LRRTM4: variants seen among roughly 807,000 people sequenced by gnomAD.
The protein encoded by LRRTM4 is leucine rich repeat transmembrane neuronal 4.
A neutral mutation model predicts 47.6 loss-of-function variants in LRRTM4; 25 were observed. The observed-to-expected ratio is 0.53, with a 90% CI of 0.38 to 0.73. The LOEUF (loss-of-function observed/expected upper bound fraction) is 0.73, where lower values mean the gene tolerates loss of function less well. LRRTM4 is among the 30% of genes least tolerant of loss of function. The probability of loss-of-function intolerance (pLI) is 0.00; values close to 1 mark genes in which losing one functional copy is unlikely to be tolerated. For missense variants in LRRTM4, 638 were observed against 713.4 expected (o/e 0.89, Z 1.20); for synonymous variants, 311 against 269.5 (o/e 1.15, Z -1.51).
intron 3 of LRRTM4, among the ~76,000 whole-genome samples, chr2:76,794,189 G>GATTACTATGTAAGCTTATAGCTTATTGA (rs1675131981): frequency 6.6e-6 from 1 of 152,166 alleles, no homozygotes; most frequent in Admixed American, 6.5e-5. Flanking sequence ...AGTAACCAGA[G>GATTACTATGTAAGCTTATAGCTTATTGA]ATTACTATGT....
chr2:76,874,549 A>G (rs531273216), intron 3 of LRRTM4, among the ~76,000 whole-genome samples: 40 of 152,136 alleles, frequency 2.6e-4, no homozygotes, highest in African/African-American at 8.4e-4. Flanking sequence ...AATATTGAAA[A>G]TATAATTTTG....
At position 77,087,804 on chromosome 2, in the gene LRRTM4, AAAT is replaced by A. The variant is rs1012148423; in HGVS notation, c.1552-338891_1552-338889del. On this transcript the variant is annotated intron_variant, in intron 3 of 3. Transcript: ENST00000409884. The stretch of plus-strand genomic sequence containing the variant: ...GTAAAATAAAATGTATACTAAAGAA[AAAT>A]ATTATTTAAGAAGAGCTCTTTAAAA... Among the ~76,000 whole-genome samples the A allele has an allele frequency of 6.6e-5, 10 of 152,364 alleles. No individual in the cohort carries two copies. The East Asian group carries it at 1.5e-3, about 23-fold the overall frequency.
chr2:77,166,413 T>C (rs1046604771), intron 3 of LRRTM4, among the ~76,000 whole-genome samples: 3 of 152,128 alleles, frequency 2.0e-5, no homozygotes, highest in Non-Finnish European at 4.4e-5. Context: ...GTCATCCCCA[T>C]CAAGCTACCA....
chr2:77,030,819 T>C (rs573307494), intron 3 of LRRTM4, among the ~76,000 whole-genome samples: 1 of 152,334 alleles, frequency 6.6e-6, no homozygotes, highest in Admixed American at 6.5e-5. Context: ...CCAAATAATC[T>C]GTCACAAAAT....
intron 3 of LRRTM4, among the ~76,000 whole-genome samples, chr2:76,841,921 C>G (rs149000976): frequency 1.2e-4 from 18 of 152,246 alleles, no homozygotes; most frequent in African/African-American, 4.3e-4. Context: ...ACAATGGGCT[C>G]ACACATGCGC....
intron 3 of LRRTM4, among the ~76,000 whole-genome samples, chr2:76,919,707 A>T (rs75962298): frequency 0.014 from 2,178 of 152,278 alleles, 67 homozygotes; most frequent in African/African-American, 0.05. Context: ...CTATTTTTAC[A>T]GCCATTTTAC....
rs1454858864 is a variant in LRRTM4 at position 77,292,486 on chromosome 2, G to A, written c.1551+225832C>T. On this transcript the variant is annotated intron_variant, in intron 3 of 3. Coordinates refer to ENST00000409884, the MANE Select transcript of LRRTM4 (RefSeq NM_001134745.3). The stretch of plus-strand genomic sequence containing the variant: ...TGATAGACTTGATTAAGAAAATGTG[G>A]CACATCTACACCATGGAATACTATG... 3.3e-5 allele frequency among the ~76,000 whole-genome samples: 5 copies of A among 151,646 alleles called. No individual in the cohort carries two copies. The East Asian group carries it at 9.8e-4, about 30-fold the overall frequency.
At chr2:77,359,421 C>T (rs535704653) in intron 3 of LRRTM4, among the ~76,000 whole-genome samples, 15 of 152,256 alleles carry the variant, frequency 9.9e-5, no homozygotes, top group African/African-American at 3.6e-4. Context: ...TATTTTTCAT[C>T]AATACTACAT....
At chr2:77,231,292 A>G (rs1462062851) in intron 3 of LRRTM4, among the ~76,000 whole-genome samples, 1 of 151,968 alleles carries the variant, frequency 6.6e-6, no homozygotes, top group African/African-American at 2.4e-5. Context: ...ATGTTTGGCA[A>G]TATGATCCAC....
At chr2:77,162,450 G>C (rs1334812858) in intron 3 of LRRTM4, among the ~76,000 whole-genome samples, 1 of 152,218 alleles carries the variant, frequency 6.6e-6, no homozygotes, top group Non-Finnish European at 1.5e-5. Flanking sequence ...AAACGTCCCT[G>C]TCTGACAGCT....
chr2:76,946,306 T>C (rs1004016155), intron 3 of LRRTM4, among the ~76,000 whole-genome samples: 1 of 151,946 alleles, frequency 6.6e-6, no homozygotes, highest in African/African-American at 2.4e-5. Flanking sequence ...TTGTTCAGTG[T>C]ATACGTGTGT....
In LRRTM4 at chr2:77,089,664, T is replaced by A. The variant is rs148262798; in HGVS notation, c.1552-340748A>T. ...ACCTTCCACCCTCCATTCCTCCTTCTACTCCCCTGGCCTGTGTTCTCAAAA... is the reference window on the plus strand; with the variant it reads ...ACCTTCCACCCTCCATTCCTCCTTCAACTCCCCTGGCCTGTGTTCTCAAAA... On this transcript the variant is annotated intron_variant, in intron 3 of 3. Coordinates refer to ENST00000409884, the MANE Select transcript of LRRTM4 (RefSeq NM_001134745.3). 8.4e-3 allele frequency among the ~76,000 whole-genome samples: 1,275 copies of A among 152,126 alleles called. 15 individuals carry two copies. The highest frequency in any genetic ancestry group is 0.011 in the Non-Finnish European group (732 of 67,998).
At chr2:76,948,901 G>A (rs1302740551) in intron 3 of LRRTM4, among the ~76,000 whole-genome samples, 2 of 151,710 alleles carry the variant, frequency 1.3e-5, no homozygotes, top group Non-Finnish European at 3.0e-5. Context: ...TATACATTTG[G>A]TGGATTTCAT....
chr2:76,782,415 C>G (rs1026787591), intron 3 of LRRTM4, among the ~76,000 whole-genome samples: 1 of 152,014 alleles, frequency 6.6e-6, no homozygotes, highest in African/African-American at 2.4e-5. Context: ...TCTTTGGGGT[C>G]CCATGATGTT....
Position 77,257,924 on chromosome 2 carries a change from G to A in LRRTM4, c.1551+260394C>T, listed in dbSNP as rs192336658. Among the ~76,000 whole-genome samples, 23 of 151,704 alleles carry A rather than the reference G, an allele frequency of 1.5e-4. No individual in the cohort carries two copies. In the East Asian group the frequency reaches 3.9e-3, roughly 26 times the overall value. The stretch of plus-strand genomic sequence containing the variant: ...AGCCTGACCAACATGGAGAAACCCC[G>A]TCTCTACTAAAAATACAAAAAATTA... On this transcript the variant is annotated intron_variant, in intron 3 of 3. Transcript: ENST00000409884.
intron 3 of LRRTM4, among the ~76,000 whole-genome samples, chr2:77,356,918 A>G (rs1671990014): frequency 6.6e-6 from 1 of 152,188 alleles, no homozygotes; most frequent in Non-Finnish European, 1.5e-5. Flanking sequence ...TTGAAAGAGT[A>G]TAATGTGTCT....
intron 3 of LRRTM4, among the ~76,000 whole-genome samples, chr2:76,949,219 C>T (rs1038513683): frequency 6.6e-6 from 1 of 151,900 alleles, no homozygotes; most frequent in Non-Finnish European, 1.5e-5. Context: ...AAATCCTCAA[C>T]ACTGAACCTG....
At chr2:77,439,784 T>C (rs1310861166) in intron 3 of LRRTM4, among the ~76,000 whole-genome samples, 1 of 152,180 alleles carries the variant, frequency 6.6e-6, no homozygotes, top group African/African-American at 2.4e-5. Context: ...GCCAGTATTG[T>C]GCCATTTTTC....
At chr2:77,001,066 C>T (rs1268431519) in intron 3 of LRRTM4, among the ~76,000 whole-genome samples, 1 of 152,120 alleles carries the variant, frequency 6.6e-6, no homozygotes, top group Non-Finnish European at 1.5e-5. Context: ...AAAATGTGTT[C>T]AGTATATTTA....
Sources: gnomAD v4.1 joint callset for allele counts (sites outside exome capture counted in the v4.1 genomes callset) on GRCh38, gnomAD v4.1.1 for gene constraint, MANE v1.5 for transcripts, NCBI Gene and HGNC (gene_info 2026-07-23, HGNC 2026-07-21) for gene names.